Variants in KATNIP observed in about 807,000 individuals in gnomAD.
The protein encoded by KATNIP is katanin-interacting protein.
In KATNIP, 126 loss-of-function variants were observed where a neutral mutation model predicts 174.0. That is an observed-to-expected ratio of 0.72 (90% CI 0.63 to 0.84). The LOEUF is 0.84. KATNIP is among the 40% of genes least tolerant of loss of function. The pLI is 0.00. For synonymous variants in KATNIP, 810 were observed against 835.7 expected (o/e 0.97, Z 0.53); for missense variants, 1,958 against 2,109.7 (o/e 0.93, Z 1.41).
intron 9 of KATNIP, 89 bp downstream of exon 9, chr16:27,698,589 G>T: frequency 7.4e-7 from 1 of 1,357,030 alleles, no homozygotes; most frequent in East Asian, 2.5e-5. Flanking sequence ...GTGTGCAGAA[G>T]AGAGAGGTGT....
chr16:27,622,950 C>T (rs567464395), intron 3 of KATNIP, among the ~76,000 whole-genome samples: 2 of 152,156 alleles, frequency 1.3e-5, no homozygotes, highest in Non-Finnish European at 2.9e-5. Flanking sequence ...CAATGAGCTC[C>T]GTCCTCCACA....
chr16:27,740,663 C>T lies in KATNIP; in HGVS notation c.2366C>T (p.Pro789Leu), dbSNP rs116668900. The T allele has an allele frequency of 5.3e-4, 857 of 1,614,210 alleles. 5 individuals carry two copies. The African/African-American group carries it at 0.01, about 20-fold the overall frequency. ...CCCCTGGCCTGGAAGGGCAGGCTCC[C>T]ATCAGACGATGTCATCGGTGAGGGT... ...EKPLAWKGRL[P>L]SDDVIGEGPG... Residue 789 changes from proline (P) to leucine (L), a missense_variant, in exon 15 of 28, where the codon CCA becomes CTA. Pro to Leu is a moderately conservative substitution (Grantham distance 98). This residue lies in a region of KATNIP where 1,557 missense variants were observed against 1,617.8 expected (regional missense o/e 0.96). Coordinates refer to ENST00000261588, the MANE Select transcript of KATNIP (RefSeq NM_015202.5).
intron 2 of KATNIP, among the ~76,000 whole-genome samples, chr16:27,587,320 G>C (rs1423332354): frequency 1.3e-5 from 2 of 152,184 alleles, no homozygotes; most frequent in Non-Finnish European, 1.5e-5. Flanking sequence ...CCATCAGCTG[G>C]AGTAGCTGGG....
chr16:27,663,350 C>G (rs1444357241), intron 6 of KATNIP, among the ~76,000 whole-genome samples: 1 of 151,598 alleles, frequency 6.6e-6, no homozygotes, highest in Non-Finnish European at 1.5e-5. Context: ...ACATTTTCCT[C>G]TGAATATTGC....
intron 6 of KATNIP, among the ~76,000 whole-genome samples, chr16:27,655,603 T>C (rs528030861): frequency 9.9e-4 from 150 of 152,148 alleles, no homozygotes; most frequent in African/African-American, 3.5e-3. Context: ...TACATTTAAA[T>C]AATAAGAGCT....
chr16:27,726,566 T>C (rs1017477484), intron 14 of KATNIP, among the ~76,000 whole-genome samples: 1 of 151,956 alleles, frequency 6.6e-6, no homozygotes, highest in African/African-American at 2.4e-5. Context: ...GGTGAACAAA[T>C]AGACAAGGCC....
At position 27,765,282 on chromosome 16, in the gene KATNIP, G is replaced by A. The variant is rs115623511; in HGVS notation, c.3810-1027G>A. On this transcript the variant is annotated intron_variant, in intron 19 of 27. Coordinates refer to ENST00000261588, the MANE Select transcript of KATNIP (RefSeq NM_015202.5). ...TGGGCTGAGGCATGCTGGGCAGTCCGGGGAAGCGAGAGGCACGATTGTCCT... is the reference window on the plus strand; with the variant it reads ...TGGGCTGAGGCATGCTGGGCAGTCCAGGGAAGCGAGAGGCACGATTGTCCT... 2.7e-3 allele frequency among the ~76,000 whole-genome samples: 404 copies of A among 152,358 alleles called. 1 individual carries two copies. Among genetic ancestry groups the A allele is most frequent in the African/African-American group, 8.9e-3 (370 of 41,582 alleles).
At chr16:27,655,855 T>C (rs233471) in intron 6 of KATNIP, among the ~76,000 whole-genome samples, 130,339 of 152,130 alleles carry the variant, frequency 0.86, 55,892 homozygotes, top group East Asian at 1. Context: ...ATTGCACTCA[T>C]CTGGTTTTGC....
At chr16:27,753,783 CTCCTTCCT>C (rs111900307) in intron 17 of KATNIP, among the ~76,000 whole-genome samples, 3 of 147,050 alleles carry the variant, frequency 2.0e-5, no homozygotes, top group African/African-American at 7.5e-5. Context: ...CCTTCCTTTC[CTCCTTCCT>C]TCCTTCCTTC....
intron 14 of KATNIP, among the ~76,000 whole-genome samples, chr16:27,735,403 C>T (rs1490047780): frequency 3.3e-5 from 5 of 152,184 alleles, no homozygotes; most frequent in African/African-American, 9.7e-5. Context: ...GATGGTTTCC[C>T]CATCACCCAC....
At chr16:27,623,294 T>C (rs1341329874) in intron 3 of KATNIP, among the ~76,000 whole-genome samples, 2 of 152,206 alleles carry the variant, frequency 1.3e-5, no homozygotes, top group Non-Finnish European at 2.9e-5. Context: ...CTCTCTGGCC[T>C]TGGGCAAGTT....
At chr16:27,723,985 T>C (rs529246654) in intron 14 of KATNIP, among the ~76,000 whole-genome samples, 1 of 152,370 alleles carries the variant, frequency 6.6e-6, no homozygotes, top group South Asian at 2.1e-4. Context: ...CGCACAGTGC[T>C]GCCCAGAGCT....
chr16:27,638,932 T>C (rs2076716650), intron 5 of KATNIP, among the ~76,000 whole-genome samples: 1 of 147,574 alleles, frequency 6.8e-6, no homozygotes, highest in African/African-American at 2.5e-5. Flanking sequence ...CTTGGCCTCC[T>C]AAAGTGCTGG....
At chr16:27,601,063 C>T (rs2075507904) in intron 2 of KATNIP, among the ~76,000 whole-genome samples, 1 of 152,196 alleles carries the variant, frequency 6.6e-6, no homozygotes, top group Non-Finnish European at 1.5e-5. Context: ...GCATCTGCCA[C>T]ACTGCACTGG....
At chr16:27,651,436 A>G (rs543081152) in intron 6 of KATNIP, among the ~76,000 whole-genome samples, 11 of 152,284 alleles carry the variant, frequency 7.2e-5, no homozygotes, top group South Asian at 4.1e-4. Flanking sequence ...AACAGGGAAA[A>G]AAAAAAAAGG....
intron 1 of KATNIP, among the ~76,000 whole-genome samples, chr16:27,558,395 T>C (rs867767723): frequency 6.6e-6 from 1 of 152,230 alleles, no homozygotes; most frequent in African/African-American, 2.4e-5. Context: ...TCTGCCTGCC[T>C]TGGCCTCCCA....
chr16:27,673,948 G>A (rs186276967), intron 6 of KATNIP, among the ~76,000 whole-genome samples: 1 of 152,278 alleles, frequency 6.6e-6, no homozygotes, highest in East Asian at 1.9e-4. Context: ...GCAGATACTG[G>A]TCGAGCACCT....
intron 6 of KATNIP, among the ~76,000 whole-genome samples, chr16:27,670,841 T>A (rs879943047): frequency 1.5e-4 from 23 of 152,180 alleles, no homozygotes; most frequent in Middle Eastern, 6.3e-3. Flanking sequence ...ATAATTTTTT[T>A]AAAAACAAAG....
intron 13 of KATNIP, 57 bp downstream of exon 13, chr16:27,708,977 T>G: frequency 1.4e-6 from 2 of 1,392,678 alleles, no homozygotes; most frequent in South Asian, 1.2e-5. Flanking sequence ...GCATTTTCTC[T>G]GCCCTTGGTA....
Sources: gnomAD v4.1 joint callset for allele counts (sites outside exome capture counted in the v4.1 genomes callset) on GRCh38, gnomAD v4.1.1 for gene constraint, gnomAD v4.1.1 regional missense constraint, MANE v1.5 for transcripts, NCBI Gene and HGNC (gene_info 2026-07-23, HGNC 2026-07-21) for gene names.